Variants in BRF1 observed in about 807,000 individuals in gnomAD.
The protein encoded by BRF1 is transcription factor IIIB 90 kDa subunit.
BRF1 carries 59 observed loss-of-function variants against 81.7 expected under a neutral mutation model. That is an observed-to-expected ratio of 0.72 (90% CI 0.59 to 0.90). The LOEUF is 0.90. Ranked by LOEUF, BRF1 falls within the 40% of genes least tolerant of loss-of-function variation. The probability of loss-of-function intolerance (pLI) is 0.00; values close to 1 mark genes in which losing one functional copy is unlikely to be tolerated. For synonymous variants in BRF1, 491 were observed against 395.6 expected, an observed-to-expected ratio of 1.24 and a Z score of -2.86; for missense variants, 1,050 against 936.3, an observed-to-expected ratio of 1.12 and a Z score of -1.58.
intron 1 of BRF1, among the ~76,000 whole-genome samples, chr14:105,311,805 G>A (rs1001910859): frequency 6.6e-6 from 1 of 152,236 alleles, no homozygotes; most frequent in Admixed American, 6.5e-5. Context: ...GCCTCCAGGA[G>A]GAGGGCCCTG....
chr14:105,252,614 G>C, intron 4 of BRF1, 35 bp from the exon 5 acceptor site: 1 of 1,596,942 alleles, frequency 6.3e-7, no homozygotes, highest in South Asian at 1.1e-5. Context: ...AAACAGCATT[G>C]GTATTTAAGG....
chr14:105,288,182 C>T (rs375951462), intron 1 of BRF1, among the ~76,000 whole-genome samples: 3 of 152,156 alleles, frequency 2.0e-5, no homozygotes, highest in East Asian at 1.9e-4. Context: ...GGTCCGGGCG[C>T]GGTGGCTCAC....
chr14:105,219,455 T>A (rs1891896419), intron 12 of BRF1: 37 of 982,442 alleles, frequency 3.8e-5, no homozygotes, highest in Non-Finnish European at 4.8e-5. Flanking sequence ...GCCACATGTG[T>A]GAGACCCCCT....
chr14:105,284,186 C>T lies in BRF1; in HGVS notation c.265+2110G>A, dbSNP rs66527719. On this transcript the variant is annotated intron_variant, in intron 2 of 17. Transcript: ENST00000547530. The surrounding 1 kb of genome is among the most constrained non-coding windows in gnomAD (Gnocchi z 4.0). ...ACGTCCACAAAACTGGCCTTCCACC[C>T]GGCCACGGCTCGAAGCATTTCCGAA... Among the ~76,000 whole-genome samples the T allele has an allele frequency of 7.9e-5, 12 of 151,890 alleles. No homozygotes were observed. The highest frequency in any genetic ancestry group is 2.7e-4 in the African/African-American group (11 of 41,310).
rs886800501 is a variant in BRF1 at position 105,252,149 on chromosome 14, G to A, written c.544+358C>T. ...TCTACACCTTCCTGCCACCTGACAG[G>A]CACTGACAACAGGCCTTCTGGTTTT... On this transcript the variant is annotated intron_variant, in intron 5 of 17. Transcript: ENST00000547530. 1.7e-4 allele frequency among the ~76,000 whole-genome samples: 26 copies of A among 152,130 alleles called. 1 individual carries two copies. Among genetic ancestry groups the A allele is most frequent in the Admixed American group, 1.4e-3 (21 of 15,270 alleles).
chr14:105,285,371 A>G (rs768668610), intron 2 of BRF1, among the ~76,000 whole-genome samples: 9 of 152,256 alleles, frequency 5.9e-5, no homozygotes, highest in Admixed American at 1.3e-4. Flanking sequence ...GTTTACGGTC[A>G]ATCGATTTTC....
chr14:105,304,835 G>A (rs150279012), upstream of BRF1, among the ~76,000 whole-genome samples: 504 of 152,314 alleles, frequency 3.3e-3, no homozygotes, highest in Middle Eastern at 0.01. Flanking sequence ...TTATAAAACC[G>A]TCAGATCTCG....
rs113560789 is a variant in BRF1, at chr14:105,240,937, C to G, written c.694+328G>C. Among the ~76,000 whole-genome samples, 954 of 152,166 alleles carry G rather than the reference C, an allele frequency of 6.3e-3. 11 individuals carry two copies. Among genetic ancestry groups the G allele is most frequent in the African/African-American group, 0.021 (886 of 41,430 alleles). On this transcript the variant is annotated intron_variant, in intron 6 of 17. Coordinates refer to ENST00000547530, the MANE Select transcript of BRF1 (RefSeq NM_001519.4). ...ATCTCAGGAGAGAGAGGCCACACCA[C>G]TGTCCGCGTCAGAAGCCGGGCCCCA...
chr14:105,256,654 C>T (rs767819808), intron 3 of BRF1, 105 bp from the exon 4 acceptor site: 9 of 1,497,162 alleles, frequency 6.0e-6, no homozygotes, highest in East Asian at 4.8e-5. Context: ...GAGCTGGAGT[C>T]GCCCCTCCAA....
At chr14:105,219,396 G>A (rs587761317) in intron 12 of BRF1, 164 bp from the exon 13 acceptor site, 81 of 1,416,962 alleles carry the variant, frequency 5.7e-5, no homozygotes, top group African/African-American at 3.4e-4. Context: ...CGCGCGGGGC[G>A]AGTTGGGGAC....
At chr14:105,217,315 CT>C (rs912194515) in intron 15 of BRF1, 94 of 657,800 alleles carry the variant, frequency 1.4e-4, no homozygotes, top group Middle Eastern at 4.1e-4. Context: ...CAGGACCCCC[CT>C]GACAGCTGGA....
intron 4 of BRF1, chr14:105,256,191 A>T: frequency 6.5e-7 from 1 of 1,530,906 alleles, no homozygotes; most frequent in African/African-American, 1.4e-5. Flanking sequence ...CTAGGTACTC[A>T]CAAAAAAATT....
intron 1 of BRF1, among the ~76,000 whole-genome samples, chr14:105,299,925 A>G (rs1595500208): frequency 6.6e-6 from 1 of 152,166 alleles, no homozygotes; most frequent in Non-Finnish European, 1.5e-5. Flanking sequence ...AGCTCTATTC[A>G]CAACCACCTG....
chr14:105,217,380 G>C (rs2141428973), intron 15 of BRF1, 164 bp downstream of exon 15: 5 of 1,106,180 alleles, frequency 4.5e-6, no homozygotes, highest in African/African-American at 1.6e-5. Flanking sequence ...ACACTGTCAA[G>C]GTGCCGGAGA....
chr14:105,289,173 C>T (rs2057425111), intron 1 of BRF1, among the ~76,000 whole-genome samples: 1 of 151,902 alleles, frequency 6.6e-6, no homozygotes, highest in South Asian at 2.1e-4. Context: ...ATAGCAAGAT[C>T]CCATCTCTAC....
intron 5 of BRF1, among the ~76,000 whole-genome samples, chr14:105,245,766 A>G (rs776050372): frequency 5.1e-4 from 77 of 151,100 alleles, no homozygotes; most frequent in Non-Finnish European, 9.0e-4. Context: ...ATACACAAAA[A>G]CTAACTCAAA....
In BRF1 at chr14:105,226,583, C is replaced by T. The variant is rs747705320; in HGVS notation, c.915+51G>A. 5.0e-6 allele frequency: 8 copies of T among 1,607,026 alleles called. No homozygotes were observed. The Admixed American group carries it at 5.0e-5, about 10-fold the overall frequency. ...CAACCCCAGTCGGGGTGTGTGGCTT[C>T]CCCCCAAGGCTGGCAAGCCCAGCAC... On this transcript the variant is annotated intron_variant, in intron 8 of 17. Coordinates refer to ENST00000547530, the MANE Select transcript of BRF1 (RefSeq NM_001519.4).
At chr14:105,314,943 C>A in intron 1 of BRF1, 1 of 1,160,626 alleles carries the variant, frequency 8.6e-7, no homozygotes, top group Non-Finnish European at 1.1e-6. Context: ...CCGCCTCGGC[C>A]TCCCCGGCGC....
Position 105,226,631 on chromosome 14 carries a change from T to G in BRF1, c.915+3A>C, listed in dbSNP as rs1243424974. Reference sequence around the variant, plus strand: ...CACAGACAGACACCAAAGCCGGCGCTACCTGCTTCATCCGCAGCTTCCTCT... The same window carrying G: ...CACAGACAGACACCAAAGCCGGCGCGACCTGCTTCATCCGCAGCTTCCTCT... On this transcript the variant is annotated splice_donor_region_variant and intron_variant, in intron 8 of 17. Transcript: ENST00000547530. 6.2e-7 allele frequency: 1 copy of G among 1,613,002 alleles called. No individual in the cohort carries two copies. Among genetic ancestry groups the G allele is most frequent in the Non-Finnish European group, 8.5e-7 (1 of 1,179,992 alleles).
Sources: gnomAD v4.1 joint callset for allele counts (sites outside exome capture counted in the v4.1 genomes callset) on GRCh38, gnomAD v4.1.1 for gene constraint, Gnocchi (gnomAD v3.1) non-coding constraint, MANE v1.5 for transcripts, NCBI Gene and HGNC (gene_info 2026-07-23, HGNC 2026-07-21) for gene names.